The following SLC26A7 variants were observed in gnomAD, a reference collection of about 807,000 sequenced individuals.
SLC26A7 encodes anion exchange transporter.
In SLC26A7, 59 loss-of-function variants were observed where a neutral mutation model predicts 82.5. That is an observed-to-expected ratio of 0.72 (90% CI 0.58 to 0.89). The LOEUF (loss-of-function observed/expected upper bound fraction) is 0.89. Among genes scored for constraint, SLC26A7 ranks in the 40% least tolerant of loss-of-function variants. SLC26A7 has a pLI of 0.00. For missense variants in SLC26A7, 820 were observed against 793.0 expected (o/e 1.03, Z -0.41); for synonymous variants, 271 against 274.3 (o/e 0.99, Z 0.12).
chr8:91,221,264 T>C (rs1353488717), intron 2 of SLC26A7, among the ~76,000 whole-genome samples: 1 of 152,226 alleles, frequency 6.6e-6, no homozygotes, highest in African/African-American at 2.4e-5. Context: ...AAATTCTGGA[T>C]ATTAGACCTT....
chr8:91,271,688 G>A (rs961249493), intron 2 of SLC26A7, among the ~76,000 whole-genome samples: 7 of 147,450 alleles, frequency 4.7e-5, no homozygotes, highest in African/African-American at 1.3e-4. Flanking sequence ...TCTGCCTCCC[G>A]GGTTCACCCC....
intron 15 of SLC26A7, among the ~76,000 whole-genome samples, chr8:91,371,808 G>A (rs531876053): frequency 1.3e-5 from 2 of 151,894 alleles, no homozygotes; most frequent in African/African-American, 2.4e-5. Context: ...TCTCCATACC[G>A]TTTTCCATGG....
chr8:91,227,567 A>T (rs1810254541), intron 2 of SLC26A7, among the ~76,000 whole-genome samples: 1 of 152,204 alleles, frequency 6.6e-6, no homozygotes, highest in Non-Finnish European at 1.5e-5. Context: ...TTAATTACTC[A>T]ATATTACGAA....
chr8:91,269,410 G>A (rs1286699205), intron 2 of SLC26A7, among the ~76,000 whole-genome samples: 2 of 151,980 alleles, frequency 1.3e-5, no homozygotes, highest in Non-Finnish European at 2.9e-5. Context: ...AGTTTTTGTT[G>A]TTGTTGTTGT....
chr8:91,343,929 T>C, intron 9 of SLC26A7: 1 of 552,558 alleles, frequency 1.8e-6, no homozygotes, highest in Non-Finnish European at 2.3e-6. Flanking sequence ...AGTTAAACAA[T>C]TATATTTTTT....
chr8:91,211,620 T>TTTA (rs1809925133), intron 1 of SLC26A7, among the ~76,000 whole-genome samples: 1 of 129,272 alleles, frequency 7.7e-6, no homozygotes, highest in African/African-American at 2.9e-5. Context: ...ATATATATTT[T>TTTA]TTTTTTATTT....
At position 91,340,447 on chromosome 8, in the gene SLC26A7, G is replaced by A; in HGVS notation, c.922G>A (p.Val308Met). 2 of 1,613,932 alleles carry A rather than the reference G, an allele frequency of 1.2e-6. No homozygotes were observed. The highest frequency in any genetic ancestry group is 1.7e-6 in the Non-Finnish European group (2 of 1,179,924). Residue 308 changes from valine to methionine, a missense_variant, in exon 8 of 19, where the codon GTG becomes ATG. Val to Met is a conservative substitution (Grantham distance 21). Transcript: ENST00000276609. ...TCCCCCGATGAACATCCTCTCTGCG[G>A]TGATCACTGAAGCTTTCGGAGTGGC... ...RAPPMNILSA[V>M]ITEAFGVALV... is the part of the protein sequence containing the mutation.
chr8:91,393,576 G>T (rs370823862), intron 16 of SLC26A7, among the ~76,000 whole-genome samples: 4 of 152,120 alleles, frequency 2.6e-5, no homozygotes, highest in East Asian at 1.9e-4. Context: ...AAGGTAAGCA[G>T]TCAAATTTAG....
intron 1 of SLC26A7, among the ~76,000 whole-genome samples, chr8:91,218,304 A>G (rs547661810): frequency 2.0e-4 from 31 of 152,138 alleles, no homozygotes; most frequent in East Asian, 3.9e-4. Flanking sequence ...TAAATGGTCA[A>G]TATATGTGCA....
chr8:91,245,010 CT>C (rs1280596724), upstream of SLC26A7, among the ~76,000 whole-genome samples: 1 of 152,202 alleles, frequency 6.6e-6, no homozygotes, highest in Non-Finnish European at 1.5e-5. Flanking sequence ...ACTTTGCTCA[CT>C]CTACTGTACT....
At chr8:91,394,266 C>T in intron 18 of SLC26A7, 1 of 1,613,380 alleles carries the variant, frequency 6.2e-7, no homozygotes, top group Non-Finnish European at 8.5e-7. Context: ...AACAATGCCA[C>T]CGCTCTGAGG....
intron 15 of SLC26A7, among the ~76,000 whole-genome samples, chr8:91,371,039 G>A (rs1814345535): frequency 6.6e-6 from 1 of 151,680 alleles, no homozygotes; most frequent in South Asian, 2.1e-4. Context: ...TGTTACTAAT[G>A]GAATGACATC....
chr8:91,351,500 C>G (rs1411213826), intron 9 of SLC26A7, among the ~76,000 whole-genome samples: 1 of 152,114 alleles, frequency 6.6e-6, no homozygotes, highest in Non-Finnish European at 1.5e-5. Context: ...ATGTCACTTT[C>G]ACTATTAAAC....
At chr8:91,391,216 T>C (rs77200834) in intron 16 of SLC26A7, among the ~76,000 whole-genome samples, 2 of 152,232 alleles carry the variant, frequency 1.3e-5, no homozygotes, top group East Asian at 3.9e-4. Context: ...GGAGTGTGTG[T>C]AGGGGAATTG....
intron 4 of SLC26A7, among the ~76,000 whole-genome samples, chr8:91,308,863 C>T (rs893879469): frequency 6.6e-6 from 1 of 152,026 alleles, no homozygotes; most frequent in Non-Finnish European, 1.5e-5. Context: ...CTTTGACACC[C>T]TTATTTGTTT....
In SLC26A7 at chr8:91,371,566, A is replaced by T. The variant is rs185809113; in HGVS notation, c.1675+1733A>T. Among the ~76,000 whole-genome samples, 508 of 152,138 alleles carry T rather than the reference A, an allele frequency of 3.3e-3. 8 individuals are homozygous for T. The highest frequency in any genetic ancestry group is 0.012 in the African/African-American group (483 of 41,566). ...CTCCATCCATGTTGCTGCAAAAGACATAATTTCATTCTTTTCTATGGCTGT... is the reference window on the plus strand; with the variant it reads ...CTCCATCCATGTTGCTGCAAAAGACTTAATTTCATTCTTTTCTATGGCTGT... On this transcript the variant is annotated intron_variant, in intron 15 of 18. Transcript: ENST00000276609.
chr8:91,255,654 C>G (rs1223555333), intron 2 of SLC26A7, among the ~76,000 whole-genome samples: 1 of 152,076 alleles, frequency 6.6e-6, no homozygotes, highest in Admixed American at 6.6e-5. Flanking sequence ...TCTCTATTTC[C>G]CCTCATCCCA....
chr8:91,282,495 G>C (rs1014650801), intron 2 of SLC26A7, among the ~76,000 whole-genome samples: 1 of 152,116 alleles, frequency 6.6e-6, no homozygotes, highest in Non-Finnish European at 1.5e-5. Flanking sequence ...AGCTTGAGGA[G>C]GTGCAAGCTC....
chr8:91,275,236 G>T (rs886320699), intron 2 of SLC26A7, among the ~76,000 whole-genome samples: 3 of 152,118 alleles, frequency 2.0e-5, no homozygotes, highest in African/African-American at 7.2e-5. Flanking sequence ...TAACAACATA[G>T]AATATAGAAT....
Sources: allele counts gnomAD v4.1 joint callset (sites outside exome capture counted in the v4.1 genomes callset), GRCh38; gene constraint gnomAD v4.1.1; transcripts MANE v1.5; gene names NCBI Gene and HGNC (gene_info 2026-07-23, HGNC 2026-07-21).